The following ZRANB3 variants were observed in gnomAD, a reference collection of about 807,000 sequenced individuals.
ZRANB3 encodes the protein zinc finger RANBP2-type containing 3, also known as DNA annealing helicase and endonuclease ZRANB3.
A neutral mutation model predicts 133.8 loss-of-function variants in ZRANB3; 125 were observed. The ratio of observed to expected loss-of-function variants is 0.93; its 90% CI spans 0.81 to 1.08. The LOEUF (loss-of-function observed/expected upper bound fraction) is 1.08. ZRANB3 is among the 50% of genes least tolerant of loss of function. The pLI, the probability that ZRANB3 is intolerant of heterozygous loss-of-function variation, is 0.00. For missense variants in ZRANB3, 1,229 were observed against 1,275.5 expected (o/e 0.96, Z 0.56); for synonymous variants, 387 against 432.7 (o/e 0.89, Z 1.31).
At chr2:135,340,138 T>G (rs907045222) in intron 6 of ZRANB3, among the ~76,000 whole-genome samples, 1 of 150,094 alleles carries the variant, frequency 6.7e-6, no homozygotes. Flanking sequence ...AGAGTCTTGC[T>G]CTTGTCGCCC....
At chr2:135,343,186 C>CAAAAAA (rs1176402987) in intron 6 of ZRANB3, among the ~76,000 whole-genome samples, 1 of 46,522 alleles carries the variant, frequency 2.1e-5, no homozygotes, top group Non-Finnish European at 4.3e-5. Context: ...ACTCTGTCTC[C>CAAAAAA]AAAAAAAAAA....
intron 12 of ZRANB3, among the ~76,000 whole-genome samples, chr2:135,239,175 A>G (rs1695439556): frequency 6.6e-6 from 1 of 152,200 alleles, no homozygotes; most frequent in Non-Finnish European, 1.5e-5. Context: ...TGTACTTCTT[A>G]GTGGTACTAT....
rs1407154218 is a variant in ZRANB3 at position 135,415,223 on chromosome 2, G to C, written c.162-24403C>G. Among the ~76,000 whole-genome samples, 8 of 150,752 alleles carry C rather than the reference G, an allele frequency of 5.3e-5. No homozygotes were observed. The East Asian group carries it at 1.6e-3, about 29-fold the overall frequency. ...ATAGACCACTAGCAACTCTAATAAA[G>C]AAAAAAAGAGAGAAGAATCAAATAG... On this transcript the variant is annotated intron_variant, in intron 2 of 20. Coordinates refer to ENST00000264159, the MANE Select transcript of ZRANB3 (RefSeq NM_032143.4).
intron 17 of ZRANB3, among the ~76,000 whole-genome samples, chr2:135,211,098 T>C (rs193188873): frequency 6.6e-6 from 1 of 152,304 alleles, no homozygotes; most frequent in Non-Finnish European, 1.5e-5. Context: ...TGTATGCCTT[T>C]TATTTACTTA....
At chr2:135,269,460 T>A (rs1255333805) in intron 10 of ZRANB3, among the ~76,000 whole-genome samples, 1 of 152,156 alleles carries the variant, frequency 6.6e-6, no homozygotes, top group African/African-American at 2.4e-5. Flanking sequence ...AATAAAATAC[T>A]TTATAAATGA....
At chr2:135,295,063 T>G (rs1419803185) in intron 8 of ZRANB3, among the ~76,000 whole-genome samples, 1 of 152,160 alleles carries the variant, frequency 6.6e-6, no homozygotes, top group Non-Finnish European at 1.5e-5. Flanking sequence ...CTGAAAAGAA[T>G]GTATATTCTG....
At chr2:135,484,468 A>G (rs191267208) in intron 2 of ZRANB3, among the ~76,000 whole-genome samples, 4 of 152,248 alleles carry the variant, frequency 2.6e-5, no homozygotes, top group Admixed American at 2.6e-4. Context: ...AACCATGTAT[A>G]TTCACAATAT....
chr2:135,407,679 G>A (rs1405976379), intron 2 of ZRANB3, among the ~76,000 whole-genome samples: 2 of 151,732 alleles, frequency 1.3e-5, no homozygotes, highest in Admixed American at 6.6e-5. Context: ...AATATCTACA[G>A]TCATCTGATC....
rs572895107 is a variant in ZRANB3, at chr2:135,426,817, G to A, written c.162-35997C>T. On this transcript the variant is annotated intron_variant, in intron 2 of 20. Coordinates refer to ENST00000264159, the MANE Select transcript of ZRANB3 (RefSeq NM_032143.4). ...ACTGCACTCCAGCCTGCGTGACAGA[G>A]AGAGACTCTGTCTCAAAAAAAAAAA... is the stretch of plus-strand genomic sequence containing the variant. Among the ~76,000 whole-genome samples the A allele has an allele frequency of 3.8e-4, 34 of 89,754 alleles. No individual in the cohort carries two copies. The South Asian group carries it at 0.015, about 40-fold the overall frequency. The allele number at this position is 89,754 out of a possible 152,430, so 58.9% of individuals were successfully genotyped here.
At chr2:135,330,979 G>T (rs946681321) in intron 6 of ZRANB3, among the ~76,000 whole-genome samples, 4 of 151,788 alleles carry the variant, frequency 2.6e-5, no homozygotes, top group African/African-American at 9.7e-5. Context: ...CAATTTTGTT[G>T]ATCTTTTCAA....
chr2:135,477,974 A>C (rs1394365473), intron 2 of ZRANB3, among the ~76,000 whole-genome samples: 1 of 152,118 alleles, frequency 6.6e-6, no homozygotes, highest in African/African-American at 2.4e-5. Context: ...GAGTGACAGA[A>C]TGAGACCCTG....
intron 6 of ZRANB3, among the ~76,000 whole-genome samples, chr2:135,331,240 C>T (rs1684124389): frequency 6.6e-6 from 1 of 152,056 alleles, no homozygotes; most frequent in Non-Finnish European, 1.5e-5. Context: ...TAAATGTGTC[C>T]CAGAGATTCT....
chr2:135,516,912 T>A (rs1456084998), intron 1 of ZRANB3, among the ~76,000 whole-genome samples: 1 of 152,176 alleles, frequency 6.6e-6, no homozygotes, highest in Non-Finnish European at 1.5e-5. Flanking sequence ...GGTACACCAA[T>A]CAAAAATAGT....
chr2:135,497,779 G>A (rs557784118), intron 2 of ZRANB3, among the ~76,000 whole-genome samples: 33 of 152,228 alleles, frequency 2.2e-4, no homozygotes, highest in Middle Eastern at 3.4e-3. Context: ...GAGGCTGAGC[G>A]CGGTGGCTCA....
chr2:135,384,941 G>A (rs1008502016), intron 3 of ZRANB3, among the ~76,000 whole-genome samples: 29 of 152,128 alleles, frequency 1.9e-4, no homozygotes, highest in Admixed American at 1.1e-3. Context: ...CACAAGACAC[G>A]GATGCACTTT....
chr2:135,507,644 C>A (rs1693249359), intron 1 of ZRANB3, among the ~76,000 whole-genome samples: 1 of 150,636 alleles, frequency 6.6e-6, no homozygotes, highest in African/African-American at 2.4e-5. Context: ...TGTCTATCAT[C>A]TTTATTCAAG....
At chr2:135,436,221 A>T (rs1689525512) in intron 2 of ZRANB3, among the ~76,000 whole-genome samples, 1 of 152,072 alleles carries the variant, frequency 6.6e-6, no homozygotes. Flanking sequence ...TTATCCCAGC[A>T]CCATTTATTG....
At position 135,202,611 on chromosome 2, in the gene ZRANB3, A is replaced by G. The variant is rs991732858; in HGVS notation, c.3141+221T>C. ...CATTTCTTTCTTGGTAGTGGTGCAA[A>G]TGTCTTGGTCCTAGAATGAATGAAA... On this transcript the variant is annotated intron_variant, in intron 20 of 20. Transcript: ENST00000264159. 4 of 406,786 alleles carry G rather than the reference A, an allele frequency of 9.8e-6. No homozygotes were observed. The East Asian group carries it at 1.7e-4, about 18-fold the overall frequency. The allele number at this position is 406,786 out of a possible 1,614,324, so 25.2% of individuals were successfully genotyped here.
chr2:135,368,215 A>ATCAT lies in ZRANB3; in HGVS notation c.181-14588_181-14587insATGA, dbSNP rs540929122. Among the ~76,000 whole-genome samples the ATCAT allele has an allele frequency of 6.7e-3, 1,020 of 152,154 alleles. 7 individuals are homozygous for ATCAT. Among genetic ancestry groups the ATCAT allele is most frequent in the Middle Eastern group, 0.032 (8 of 250 alleles). ...CAGTTGATAAGAGAAAATGCAATAC[A>ATCAT]TAATGAACTTCAGAAAAGTTAATGA... On this transcript the variant is annotated intron_variant, in intron 3 of 20. Coordinates refer to ENST00000264159, the MANE Select transcript of ZRANB3 (RefSeq NM_032143.4).
Sources: allele counts gnomAD v4.1 joint callset (sites outside exome capture counted in the v4.1 genomes callset), GRCh38; gene constraint gnomAD v4.1.1; transcripts MANE v1.5; gene names NCBI Gene and HGNC (gene_info 2026-07-23, HGNC 2026-07-21).